Variants in PLA2G4E observed in about 807,000 individuals in gnomAD.
PLA2G4E encodes phospholipase A2 group IVE.
In PLA2G4E, 84 loss-of-function variants were observed where a neutral mutation model predicts 109.1. The observed-to-expected ratio is 0.77, with a 90% CI of 0.65 to 0.92. The LOEUF (loss-of-function observed/expected upper bound fraction) is 0.92, where lower values mean the gene tolerates loss of function less well. Ranked by LOEUF, PLA2G4E falls within the 40% of genes least tolerant of loss-of-function variation. The pLI is 0.00. For synonymous variants in PLA2G4E, 469 were observed against 436.1 expected (o/e 1.08, Z -0.94); for missense variants, 1,057 against 1,076.6 (o/e 0.98, Z 0.25).
At chr15:41,992,861 G>T in exon 13 of PLA2G4E, 1 of 1,614,026 alleles carries the variant, frequency 6.2e-7, no homozygotes, top group East Asian at 2.2e-5. Context: ...GAACAGGGAG[G>T]GTAGCTTGTC....
intron 1 of PLA2G4E, among the ~76,000 whole-genome samples, chr15:42,015,270 G>T (rs886733629): frequency 2.0e-4 from 31 of 152,206 alleles, no homozygotes; most frequent in African/African-American, 7.2e-4. Context: ...TCTTCCAGCC[G>T]CACCAGCTTC....
chr15:42,034,911 A>G (rs1039367078), intron 1 of PLA2G4E, among the ~76,000 whole-genome samples: 1 of 152,218 alleles, frequency 6.6e-6, no homozygotes, highest in African/African-American at 2.4e-5. Flanking sequence ...ATTTGAAATC[A>G]GCTTTAGTTA....
rs534139350 is a variant in PLA2G4E, at chr15:42,047,885, T to C, written c.183+2636A>G. On this transcript the variant is annotated intron_variant, in intron 1 of 19. Coordinates refer to ENST00000399518, the Ensembl canonical transcript of PLA2G4E. ...ATCCTAATAAATTTTGTTGCATACA[T>C]ATGCACAATAGAATATTATTTAGCC... is the stretch of plus-strand genomic sequence containing the variant. 1.3e-4 allele frequency among the ~76,000 whole-genome samples: 20 copies of C among 152,324 alleles called. No homozygotes were observed. In the South Asian group the frequency reaches 1.9e-3, roughly 14 times the overall value.
chr15:41,989,893 G>A (rs543742691), intron 14 of PLA2G4E, among the ~76,000 whole-genome samples: 4 of 152,328 alleles, frequency 2.6e-5, no homozygotes, highest in African/African-American at 9.6e-5. Context: ...CTTCCCCAGT[G>A]TCATTAAACA....
intron 11 of PLA2G4E, among the ~76,000 whole-genome samples, chr15:41,996,633 G>A (rs936047204): frequency 2.0e-5 from 3 of 152,230 alleles, no homozygotes; most frequent in African/African-American, 4.8e-5. Flanking sequence ...GTCTGCTCCC[G>A]TGGGAAGAAG....
chr15:41,999,736 C>T (rs751882453), intron 9 of PLA2G4E, among the ~76,000 whole-genome samples, 175 bp from the exon 10 acceptor site: 23 of 152,166 alleles, frequency 1.5e-4, no homozygotes, highest in Non-Finnish European at 2.8e-4. Context: ...AGCCTCCATA[C>T]ACTCTTTGGA....
chr15:41,994,017 A>G (rs1198497421), intron 12 of PLA2G4E, among the ~76,000 whole-genome samples: 1 of 152,058 alleles, frequency 6.6e-6, no homozygotes, highest in African/African-American at 2.4e-5. Context: ...GTGCCCCTCA[A>G]CCTGCTGGAA....
chr15:42,037,293 C>G (rs1889234352), intron 1 of PLA2G4E, among the ~76,000 whole-genome samples: 2 of 152,218 alleles, frequency 1.3e-5, no homozygotes, highest in Non-Finnish European at 2.9e-5. Flanking sequence ...CCAGGCTCAC[C>G]CATGGCTGCC....
intron 10 of PLA2G4E, 141 bp downstream of exon 10, chr15:41,999,383 A>T (rs1484245841): frequency 1.6e-6 from 1 of 633,190 alleles, no homozygotes; most frequent in African/African-American, 1.8e-5. Context: ...TCCAAAGAAG[A>T]TGATATGCCA....
chr15:42,049,202 T>G (rs1044866740), intron 1 of PLA2G4E, among the ~76,000 whole-genome samples: 2 of 152,138 alleles, frequency 1.3e-5, no homozygotes, highest in Non-Finnish European at 2.9e-5. Context: ...AGGGAAACCC[T>G]GGGGCGGGGC....
At chr15:42,000,754 T>C (rs756996627) in intron 7 of PLA2G4E, among the ~76,000 whole-genome samples, 3 of 152,134 alleles carry the variant, frequency 2.0e-5, no homozygotes, top group Non-Finnish European at 4.4e-5. Context: ...CTGCCAGCTA[T>C]AAAGTGCTAG....
exon 18 of PLA2G4E, chr15:41,985,878 G>A: frequency 5.0e-6 from 8 of 1,611,230 alleles, no homozygotes; most frequent in Non-Finnish European, 6.8e-6. Flanking sequence ...GGTGGATGAT[G>A]AGGTCGGCTT....
chr15:42,021,758 C>A (rs1293619875), intron 1 of PLA2G4E, among the ~76,000 whole-genome samples: 1 of 152,214 alleles, frequency 6.6e-6, no homozygotes, highest in African/African-American at 2.4e-5. Context: ...ACAAGGGCAG[C>A]TTTGCCTGTT....
At position 41,997,272 on chromosome 15, in the gene PLA2G4E, AGGACCCTGTATTG is replaced by A; in HGVS notation, c.975-26_975-14del. On this transcript the variant is annotated splice_polypyrimidine_tract_variant and intron_variant, in intron 10 of 19. Coordinates refer to ENST00000399518, the Ensembl canonical transcript of PLA2G4E. ...CAGTGTCTCAGGGCTGGAGGGAGAG[AGGACCCTGTATTG>A]GGCCTGCAGCCTCTACCTCCCTGGA... is the stretch of plus-strand genomic sequence containing the variant. 6.5e-7 allele frequency: 1 copy of A among 1,536,220 alleles called. No individual in the cohort carries two copies. The highest frequency in any genetic ancestry group is 2.0e-5 in the Admixed American group (1 of 49,802).
intron 1 of PLA2G4E, among the ~76,000 whole-genome samples, chr15:42,040,172 A>G (rs927141811): frequency 3.3e-5 from 5 of 151,970 alleles, no homozygotes; most frequent in African/African-American, 1.2e-4. Flanking sequence ...CCCCTCCATC[A>G]TTCTACAAAA....
intron 11 of PLA2G4E, among the ~76,000 whole-genome samples, chr15:41,995,772 TC>T (rs1440953996): frequency 6.6e-6 from 1 of 152,174 alleles, no homozygotes; most frequent in African/African-American, 2.4e-5. Context: ...CTAGCAGAGT[TC>T]TTAGCACTGT....
chr15:42,031,591 AG>A (rs1387676448), intron 1 of PLA2G4E, among the ~76,000 whole-genome samples: 1 of 151,828 alleles, frequency 6.6e-6, no homozygotes, highest in Non-Finnish European at 1.5e-5. Context: ...TCTCCTGCCA[AG>A]CTCCTGGGTT....
chr15:42,031,576 A>G (rs1889115472), intron 1 of PLA2G4E, among the ~76,000 whole-genome samples: 1 of 151,848 alleles, frequency 6.6e-6, no homozygotes, highest in Admixed American at 6.6e-5. Context: ...TCCATCCCAC[A>G]GTCCTCTCCT....
intron 1 of PLA2G4E, among the ~76,000 whole-genome samples, chr15:42,044,356 G>C (rs7176108): frequency 1.3e-5 from 2 of 152,086 alleles, no homozygotes; most frequent in South Asian, 4.2e-4. Context: ...CCAGGCTGAA[G>C]GTACAGCAGT....
Sources: allele counts gnomAD v4.1 joint callset (sites outside exome capture counted in the v4.1 genomes callset), GRCh38; gene constraint gnomAD v4.1.1; transcripts MANE v1.5; gene names NCBI Gene and HGNC (gene_info 2026-07-23, HGNC 2026-07-21).